The following C8B variants were observed in gnomAD, a reference collection of about 807,000 sequenced individuals.
The protein encoded by C8B is complement C8 beta chain.
A neutral mutation model predicts 64.6 loss-of-function variants in C8B; 67 were observed. The ratio of observed to expected loss-of-function variants is 1.04; its 90% CI spans 0.85 to 1.27. C8B has a LOEUF of 1.27. Among genes scored for constraint, C8B ranks in the 50% most tolerant of loss-of-function variants. The probability of loss-of-function intolerance (pLI) is 0.00; values close to 1 mark genes in which losing one functional copy is unlikely to be tolerated. For missense variants in C8B, 790 were observed against 725.2 expected (o/e 1.09, Z -1.03); for synonymous variants, 284 against 257.7 (o/e 1.10, Z -0.98).
chr1:56,952,289 G>A, intron 4 of C8B, 109 bp from the exon 5 acceptor site: 2 of 1,462,244 alleles, frequency 1.4e-6, no homozygotes, highest in Non-Finnish European at 1.9e-6. Flanking sequence ...CAGCCTTCAA[G>A]GCCCTTGATA....
At chr1:56,933,624 C>T (rs1644734315) in intron 9 of C8B, 136 bp from the exon 10 acceptor site, 1 of 751,322 alleles carries the variant, frequency 1.3e-6, no homozygotes, top group African/African-American at 1.7e-5. Flanking sequence ...AGATGGATCT[C>T]CCATCTTCTC....
In C8B at chr1:56,965,983, C is replaced by T. The variant is rs1420710027; in HGVS notation, c.-35G>A. On this transcript the variant is annotated 5_prime_UTR_variant, in exon 1 of 12. Transcript: ENST00000371237. ...GTGACAGGAGATGCCACAGAGGCTG[C>T]TAGACCCATAACAAGCCTGTGCTGT... 6.2e-7 allele frequency: 1 copy of T among 1,612,902 alleles called. No individual in the cohort carries two copies. Among genetic ancestry groups the T allele is most frequent in the Admixed American group, 1.7e-5 (1 of 60,004 alleles).
In C8B at chr1:56,956,903, T is replaced by C. The variant is rs201509703; in HGVS notation, c.257A>G (p.Tyr86Cys). 18 of 1,613,982 alleles carry C rather than the reference T, an allele frequency of 1.1e-5. No individual in the cohort carries two copies. The change falls in exon 3 of 12, where the codon TAT becomes TGT. Residue 86 changes from tyrosine (Y) to cysteine (C), a missense_variant. By Grantham distance (194) the Tyr-to-Cys change is radical (BLOSUM62 -2). Transcript: ENST00000371237. ...CDPCQKKRYR[Y>C]AYLLQPSQFH... is the part of the protein sequence containing the mutation. Reference sequence around the variant, plus strand: ...CTGAGAGGGCTGGAGCAAGTAGGCATACCTGTACTGTAGCAGAGAGGAGCC... The same window carrying C: ...CTGAGAGGGCTGGAGCAAGTAGGCACACCTGTACTGTAGCAGAGAGGAGCC...
Position 56,945,382 on chromosome 1 carries a change from G to A in C8B, c.1105+439C>T, listed in dbSNP as rs540003612. ...GAGCCACTGGTTCGTTGGTGGAACC[G>A]TTTCTGAGATGTAGATGGCTATAGA... On this transcript the variant is annotated intron_variant, in intron 7 of 11. Transcript: ENST00000371237. Among the ~76,000 whole-genome samples the A allele has an allele frequency of 2.4e-3, 367 of 152,316 alleles. 1 individual carries two copies. The highest frequency in any genetic ancestry group is 4.5e-3 in the Non-Finnish European group (305 of 68,016).
chr1:56,951,896 CA>C lies in C8B; in HGVS notation c.666+151del, dbSNP rs2101433321. ...TATATACAGCATGTCATCTTCACCA[CA>C]ATGTCTGGAGGAAGGAACTGCCCAT... On this transcript the variant is annotated intron_variant, in intron 5 of 11. Coordinates refer to ENST00000371237, the MANE Select transcript of C8B (RefSeq NM_000066.4). The C allele has an allele frequency of 5.0e-6, 4 of 802,668 alleles. No homozygotes were observed. The East Asian group carries it at 8.0e-5, about 16-fold the overall frequency. The allele number at this position is 802,668 out of a possible 1,614,324, so 49.7% of individuals were successfully genotyped here.
At chr1:56,947,497 T>C (rs1644958795) in intron 6 of C8B, among the ~76,000 whole-genome samples, 1 of 152,206 alleles carries the variant, frequency 6.6e-6, no homozygotes, top group Non-Finnish European at 1.5e-5. Context: ...ACCTTTTAAA[T>C]TTCTACTTTG....
rs540656402 is a variant in C8B at position 56,963,299 on chromosome 1, G to C, written c.92+2558C>G. On this transcript the variant is annotated intron_variant, in intron 1 of 11. Coordinates refer to ENST00000371237, the MANE Select transcript of C8B (RefSeq NM_000066.4). Reference sequence around the variant, plus strand: ...TGCAAGCCATCAGCTTATATAGATGGGGTGCGTCAATATATTTTGGCTTTC... The same window carrying C: ...TGCAAGCCATCAGCTTATATAGATGCGGTGCGTCAATATATTTTGGCTTTC... Among the ~76,000 whole-genome samples, 488 of 152,246 alleles carry C rather than the reference G, an allele frequency of 3.2e-3. 4 individuals carry two copies. Among genetic ancestry groups the C allele is most frequent in the African/African-American group, 0.011 (469 of 41,540 alleles).
rs1248869021 is a variant in C8B, at chr1:56,960,891, ACCTACGGAGACTCATTTAGTAAATAGTT to A, written c.93-743_93-716del. ...TGCTGAGTTCCAGGTGCCATGAAAC[ACCTACGGAGACTCATTTAGTAAATAGTT>A]CCTATATGGGCTTGGATCTCAGGAT... On this transcript the variant is annotated intron_variant, in intron 1 of 11. Coordinates refer to ENST00000371237, the MANE Select transcript of C8B (RefSeq NM_000066.4). 8.9e-4 allele frequency among the ~76,000 whole-genome samples: 136 copies of A among 152,324 alleles called. 1 individual carries two copies. Among genetic ancestry groups the A allele is most frequent in the Non-Finnish European group, 1.2e-3 (84 of 68,036 alleles).
intron 5 of C8B, among the ~76,000 whole-genome samples, chr1:56,951,504 C>T (rs994013215): frequency 1.1e-4 from 17 of 152,154 alleles, no homozygotes; most frequent in African/African-American, 3.6e-4. Context: ...TAGGGGCTTA[C>T]ATTGGTAGAG....
chr1:56,954,144 G>A (rs1645065452), intron 4 of C8B, among the ~76,000 whole-genome samples: 1 of 152,082 alleles, frequency 6.6e-6, no homozygotes, highest in Non-Finnish European at 1.5e-5. Context: ...TGCCAGGCCA[G>A]TGTGGCCCCT....
chr1:56,940,251 A>AT (rs1644832090), intron 9 of C8B, among the ~76,000 whole-genome samples: 1 of 152,102 alleles, frequency 6.6e-6, no homozygotes, highest in South Asian at 2.1e-4. Flanking sequence ...TTTTAAATAA[A>AT]TTAATATTTC....
rs572299334 is a variant in C8B, at chr1:56,952,111, G to A, written c.603C>T (p.Ser201=). ...LDHRYYAGGC[S]PHYILNTRFR... ...ACCTCGTGTTCAGGATGTAATGCGG[G>A]GAGCATCCACCTGCATAATACCTGT... Residue 201 remains serine, a synonymous_variant, in exon 5 of 12, where the codon TCC becomes TCT. Coordinates refer to ENST00000371237, the MANE Select transcript of C8B (RefSeq NM_000066.4). 5.8e-5 allele frequency: 94 copies of A among 1,614,118 alleles called. No homozygotes were observed. The Middle Eastern group carries it at 1.2e-3, about 20-fold the overall frequency.
chr1:56,929,523 T>G lies in C8B; in HGVS notation c.1657A>C (p.Asn553His). 6.2e-7 allele frequency: 1 copy of G among 1,613,904 alleles called. No homozygotes were observed. The highest frequency in any genetic ancestry group is 8.5e-7 in the Non-Finnish European group (1 of 1,179,884). Residue 553 changes from asparagine (N) to histidine (H), a missense_variant, in exon 12 of 12, where the codon AAT becomes CAT. Physicochemically the swap from Asn to His is moderately conservative, Grantham distance 68 (BLOSUM62 1). Coordinates refer to ENST00000371237, the MANE Select transcript of C8B (RefSeq NM_000066.4). ...CGTCTTCCAGAGCATGAAGACCAATTTGACCAGCAATTCCACTTCCCATCA... is the reference window on the plus strand; with the variant it reads ...CGTCTTCCAGAGCATGAAGACCAATGTGACCAGCAATTCCACTTCCCATCA... ...PIDGKWNCWSNWSSCSGRRKT... is the reference protein window; with the variant it reads ...PIDGKWNCWSHWSSCSGRRKT...
At chr1:56,930,755 G>A (rs1470524371) in intron 11 of C8B, among the ~76,000 whole-genome samples, 2 of 152,142 alleles carry the variant, frequency 1.3e-5, no homozygotes, top group Non-Finnish European at 2.9e-5. Context: ...ACTTCATGGG[G>A]TTGTTGTGAG....
rs1553120321 is a variant in C8B at position 56,965,398 on chromosome 1, A to AGAGTGTGTGTGTGTGTGT, written c.92+458_92+459insACACACACACACACACTC. On this transcript the variant is annotated intron_variant, in intron 1 of 11. Coordinates refer to ENST00000371237, the MANE Select transcript of C8B (RefSeq NM_000066.4). ...GGGGGTGAGAGAGAGAGAGAGAGAGAGTGTGTGTGTGTGTGTGTGTGTGTG... is the reference window on the plus strand; with the variant it reads ...GGGGGTGAGAGAGAGAGAGAGAGAGAGAGTGTGTGTGTGTGTGTGTGTGTGTGTGTGTGTGTGTGTGTG... 3.5e-5 allele frequency among the ~76,000 whole-genome samples: 5 copies of AGAGTGTGTGTGTGTGTGT among 142,578 alleles called. No homozygotes were observed. In the East Asian group the frequency reaches 6.3e-4, roughly 18 times the overall value. 93.5% of individuals were successfully genotyped at this position (142,578 alleles called of 152,430 possible).
intron 2 of C8B, among the ~76,000 whole-genome samples, chr1:56,959,056 A>G (rs376230624): frequency 6.6e-6 from 1 of 152,188 alleles, no homozygotes; most frequent in Non-Finnish European, 1.5e-5. Flanking sequence ...AACCCTATAC[A>G]AGGAATACTG....
intron 4 of C8B, among the ~76,000 whole-genome samples, chr1:56,953,467 C>T (rs868227684): frequency 7.2e-5 from 11 of 152,020 alleles, no homozygotes; most frequent in Admixed American, 1.3e-4. Context: ...TACTATTATC[C>T]CCATTTTGCA....
chr1:56,961,461 C>T (rs1012049364), intron 1 of C8B, among the ~76,000 whole-genome samples: 1 of 152,144 alleles, frequency 6.6e-6, no homozygotes, highest in African/African-American at 2.4e-5. Context: ...GACACATCCA[C>T]GGTCATGCAG....
intron 4 of C8B, 21 bp downstream of exon 4, chr1:56,954,665 C>G: frequency 6.2e-7 from 1 of 1,614,080 alleles, no homozygotes; most frequent in Non-Finnish European, 8.5e-7. Context: ...CCATCTACGC[C>G]ACAGAAAAAT....
Sources: gnomAD v4.1 joint callset for allele counts (sites outside exome capture counted in the v4.1 genomes callset) on GRCh38, gnomAD v4.1.1 for gene constraint, MANE v1.5 for transcripts, NCBI Gene and HGNC (gene_info 2026-07-23, HGNC 2026-07-21) for gene names.